The following STK39 variants were observed in gnomAD, a reference collection of about 807,000 sequenced individuals.
STK39 encodes STE20/SPS1-related proline-alanine-rich protein kinase.
In STK39, 20 loss-of-function variants were observed where a neutral mutation model predicts 77.8. That is an observed-to-expected ratio of 0.26 (90% CI 0.18 to 0.37). The LOEUF (loss-of-function observed/expected upper bound fraction) is 0.37. Ranked by LOEUF, STK39 falls within the 10% of genes least tolerant of loss-of-function variation. The probability of loss-of-function intolerance (pLI) is 1.00; values close to 1 mark genes in which losing one functional copy is unlikely to be tolerated. For synonymous variants in STK39, 246 were observed against 234.1 expected (o/e 1.05, Z -0.47); for missense variants, 479 against 656.5 (o/e 0.73, Z 2.95).
chr2:168,190,256 G>A (rs1055667364), intron 1 of STK39, among the ~76,000 whole-genome samples: 1 of 152,188 alleles, frequency 6.6e-6, no homozygotes, highest in African/African-American at 2.4e-5. Flanking sequence ...GGCAGATGAA[G>A]TGTGCTCCAA....
chr2:168,120,445 C>T (rs1311252063), intron 10 of STK39, among the ~76,000 whole-genome samples: 11 of 152,152 alleles, frequency 7.2e-5, no homozygotes, highest in East Asian at 5.8e-4. Context: ...GACGTTTGTG[C>T]GTTCTTCACA....
intron 10 of STK39, among the ~76,000 whole-genome samples, chr2:168,107,559 A>C (rs1687007737): frequency 6.6e-6 from 1 of 152,226 alleles, no homozygotes; most frequent in Non-Finnish European, 1.5e-5. Flanking sequence ...CCATCACATA[A>C]AGGAAGTCTG....
At chr2:168,014,104 C>T (rs1239084975) in intron 15 of STK39, among the ~76,000 whole-genome samples, 2 of 152,066 alleles carry the variant, frequency 1.3e-5, no homozygotes, top group Non-Finnish European at 2.9e-5. Flanking sequence ...AAGTAAATGG[C>T]AAATAAATAT....
intron 16 of STK39, among the ~76,000 whole-genome samples, chr2:167,985,135 T>C (rs17778577): frequency 0.35 from 53,126 of 152,118 alleles, 9,937 homozygotes; most frequent in Non-Finnish European, 0.41. Flanking sequence ...GATTCATTAA[T>C]TGAGAAATCA....
chr2:168,096,197 G>A (rs760536189), intron 10 of STK39, among the ~76,000 whole-genome samples: 1 of 151,648 alleles, frequency 6.6e-6, no homozygotes, highest in South Asian at 2.1e-4. Context: ...AAATTGATTC[G>A]TGTTTATTAC....
chr2:167,988,834 C>A (rs1438196051), intron 16 of STK39, among the ~76,000 whole-genome samples: 1 of 152,114 alleles, frequency 6.6e-6, no homozygotes, highest in Non-Finnish European at 1.5e-5. Context: ...GCATATGGAA[C>A]AAAGAGGACT....
intron 2 of STK39, among the ~76,000 whole-genome samples, chr2:168,176,246 A>G (rs1188414903): frequency 2.0e-5 from 3 of 152,202 alleles, no homozygotes; most frequent in Admixed American, 6.5e-5. Flanking sequence ...AAGTATTAAC[A>G]TAATTCCATA....
At chr2:168,040,087 C>T (rs918114060) in intron 14 of STK39, among the ~76,000 whole-genome samples, 2 of 152,146 alleles carry the variant, frequency 1.3e-5, no homozygotes, top group East Asian at 1.9e-4. Context: ...CTGTCAACAC[C>T]GCACTCCGAT....
chr2:167,962,655 T>G (rs1423739087), intron 17 of STK39, among the ~76,000 whole-genome samples: 1 of 152,136 alleles, frequency 6.6e-6, no homozygotes, highest in Non-Finnish European at 1.5e-5. Flanking sequence ...CTGCTGAAGG[T>G]ACAAAGGAGA....
At chr2:168,083,023 T>C (rs1247670038) in intron 10 of STK39, among the ~76,000 whole-genome samples, 1 of 152,220 alleles carries the variant, frequency 6.6e-6, no homozygotes, top group African/African-American at 2.4e-5. Flanking sequence ...GCTATTATCA[T>C]GAATATCCTC....
chr2:168,087,292 G>A (rs1574454468), intron 10 of STK39, among the ~76,000 whole-genome samples: 2 of 152,316 alleles, frequency 1.3e-5, no homozygotes, highest in East Asian at 3.9e-4. Context: ...GCTGGAACCA[G>A]AAGATTTCTG....
At chr2:168,074,244 C>A (rs1411493882) in intron 12 of STK39, among the ~76,000 whole-genome samples, 1 of 152,082 alleles carries the variant, frequency 6.6e-6, no homozygotes, top group Non-Finnish European at 1.5e-5. Context: ...CATTTGTAGT[C>A]CAAAGATTTT....
At chr2:168,025,004 G>A (rs1021495389) in intron 14 of STK39, among the ~76,000 whole-genome samples, 2 of 152,142 alleles carry the variant, frequency 1.3e-5, no homozygotes, top group African/African-American at 4.8e-5. Flanking sequence ...TGAATGCAGA[G>A]TTTACAAGTC....
At chr2:168,072,030 T>C (rs1394052707) in intron 12 of STK39, among the ~76,000 whole-genome samples, 1 of 151,926 alleles carries the variant, frequency 6.6e-6, no homozygotes, top group Admixed American at 6.6e-5. Flanking sequence ...AAGAAGGAAA[T>C]GGTTAAATAA....
At chr2:167,978,300 G>T (rs897095646) in intron 16 of STK39, among the ~76,000 whole-genome samples, 3 of 152,072 alleles carry the variant, frequency 2.0e-5, no homozygotes, top group African/African-American at 7.3e-5. Flanking sequence ...GAGGTGCGGG[G>T]GAGAGGGCTT....
Position 168,012,651 on chromosome 2 carries a change from C to T in STK39, c.1481G>A (p.Gly494Asp). The T allele has an allele frequency of 6.2e-7, 1 of 1,613,742 alleles. No homozygotes were observed. The highest frequency in any genetic ancestry group is 2.2e-5 in the East Asian group (1 of 44,808). Residue 494 changes from glycine to aspartate, a missense_variant, in exon 16 of 18, where the codon GGT becomes GAT. Physicochemically the swap from Gly to Asp is moderately conservative, Grantham distance 94 (BLOSUM62 -1). Coordinates refer to ENST00000355999, the MANE Select transcript of STK39 (RefSeq NM_013233.3). ...CAATTTACCTATAACTACATCGTGACCATCCACCAAGCCAGCAGAGAAGAG... is the reference window on the plus strand; with the variant it reads ...CAATTTACCTATAACTACATCGTGATCATCCACCAAGCCAGCAGAGAAGAG... ...QELFSAGLVD[G>D]HDVVIVAANL...
chr2:167,988,493 C>T (rs1215781741), intron 16 of STK39, among the ~76,000 whole-genome samples: 1 of 152,058 alleles, frequency 6.6e-6, no homozygotes, highest in African/African-American at 2.4e-5. Flanking sequence ...TTTTCAAACA[C>T]CTCAACACTC....
At chr2:168,005,883 T>TG (rs1440436061) in intron 16 of STK39, among the ~76,000 whole-genome samples, 1 of 152,112 alleles carries the variant, frequency 6.6e-6, no homozygotes, top group Non-Finnish European at 1.5e-5. Context: ...GAGCATCTCA[T>TG]GGGGGCATGA....
rs529166058 is a variant in STK39 at position 168,162,638 on chromosome 2, T to C, written c.573-796A>G. Among the ~76,000 whole-genome samples, 24 of 152,288 alleles carry C rather than the reference T, an allele frequency of 1.6e-4. No homozygotes were observed. In the South Asian group the frequency reaches 5.0e-3, roughly 32 times the overall value. ...CTAATTATAATAATAGATATTATAT[T>C]TCTTCACCGTATAAAACCTGTGTAA... On this transcript the variant is annotated intron_variant, in intron 4 of 17. Coordinates refer to ENST00000355999, the MANE Select transcript of STK39 (RefSeq NM_013233.3).
Sources: gnomAD v4.1 joint callset for allele counts (sites outside exome capture counted in the v4.1 genomes callset) on GRCh38, gnomAD v4.1.1 for gene constraint, MANE v1.5 for transcripts, NCBI Gene and HGNC (gene_info 2026-07-23, HGNC 2026-07-21) for gene names.